The following CGNL1 variants were observed in gnomAD, a reference collection of about 807,000 sequenced individuals.
CGNL1 encodes cingulin like 1, also known as cingulin-like protein 1.
A neutral mutation model predicts 141.2 loss-of-function variants in CGNL1; 132 were observed. The ratio of observed to expected loss-of-function variants is 0.93; its 90% confidence interval spans 0.81 to 1.08. The LOEUF (loss-of-function observed/expected upper bound fraction) is 1.08, where lower values mean the gene tolerates loss of function less well. Among genes scored for constraint, CGNL1 ranks in the 50% least tolerant of loss-of-function variants. The probability of loss-of-function intolerance (pLI) is 0.00; values close to 1 mark genes in which losing one functional copy is unlikely to be tolerated. For missense variants in CGNL1, 1,870 were observed against 1,588.6 expected, an observed-to-expected ratio of 1.18 and a Z score of -3.01; for synonymous variants, 690 against 622.1, an observed-to-expected ratio of 1.11 and a Z score of -1.63.
intron 1 of CGNL1, among the ~76,000 whole-genome samples, chr15:57,394,368 A>C (rs916912476): frequency 6.6e-6 from 1 of 151,858 alleles, no homozygotes; most frequent in Non-Finnish European, 1.5e-5. Flanking sequence ...CAGGTGATCC[A>C]CCTGCCTCAG....
At chr15:57,495,735 G>A (rs1284028685) in intron 8 of CGNL1, among the ~76,000 whole-genome samples, 1 of 152,172 alleles carries the variant, frequency 6.6e-6, no homozygotes, top group East Asian at 1.9e-4. Context: ...GTCTTGGGAG[G>A]TGTTTCACAT....
At chr15:57,470,474 T>TG (rs2063568188) in intron 8 of CGNL1, among the ~76,000 whole-genome samples, 1 of 151,964 alleles carries the variant, frequency 6.6e-6, no homozygotes, top group African/African-American at 2.4e-5. Context: ...GAAAAAACTC[T>TG]GGGGGGCTGG....
intron 8 of CGNL1, among the ~76,000 whole-genome samples, chr15:57,509,441 G>C (rs1325729754): frequency 2.0e-5 from 3 of 152,232 alleles, no homozygotes; most frequent in African/African-American, 7.2e-5. Context: ...CAAGCAGGAG[G>C]CTCTTGGCCT....
At chr15:57,497,077 C>T (rs1333141720) in intron 8 of CGNL1, among the ~76,000 whole-genome samples, 1 of 152,224 alleles carries the variant, frequency 6.6e-6, no homozygotes, top group African/African-American at 2.4e-5. Context: ...CGAGGCCCCA[C>T]ATCCTGCTGT....
chr15:57,544,390 C>G, intron 15 of CGNL1, 83 bp from the exon 16 acceptor site: 1 of 1,533,736 alleles, frequency 6.5e-7, no homozygotes, highest in East Asian at 2.3e-5. Context: ...GACCAAACAC[C>G]AGGTTCTGCC....
rs1368814900 is a variant in CGNL1 at position 57,438,859 on chromosome 15, T to C, written c.860T>C (p.Val287Ala). 2 of 1,614,168 alleles carry C rather than the reference T, an allele frequency of 1.2e-6. No individual in the cohort carries two copies. Among genetic ancestry groups the C allele is most frequent in the Non-Finnish European group, 8.5e-7 (1 of 1,180,032 alleles). ...PFRRQDSAGPVLDGARSRRSS... is the reference protein window; with the variant it reads ...PFRRQDSAGPALDGARSRRSS... ...CGGCGACAGGATTCAGCGGGACCCG[T>C]CCTGGATGGAGCTCGGTCCCGGAGG... Residue 287 changes from valine to alanine, a missense_variant, in exon 2 of 19, where the codon GTC becomes GCC. Coordinates refer to ENST00000281282, the MANE Select transcript of CGNL1 (RefSeq NM_032866.5).
chr15:57,385,360 C>G (rs1324153709), intron 1 of CGNL1, among the ~76,000 whole-genome samples: 2 of 152,130 alleles, frequency 1.3e-5, no homozygotes, highest in African/African-American at 4.8e-5. Flanking sequence ...ATGGTGAAAC[C>G]CTGTCCCTGC....
chr15:57,470,250 G>GTGTTTTTTTTT (rs2063563268), intron 8 of CGNL1, among the ~76,000 whole-genome samples: 1 of 44,762 alleles, frequency 2.2e-5, no homozygotes, highest in African/African-American at 1.2e-4. Context: ...CTTTTTTTTT[G>GTGTTTTTTTTT]TCTCTCTTTT....
At chr15:57,522,508 G>T (rs1226968763) in intron 10 of CGNL1, among the ~76,000 whole-genome samples, 2 of 152,214 alleles carry the variant, frequency 1.3e-5, no homozygotes, top group African/African-American at 4.8e-5. Flanking sequence ...TGTTTCTGTA[G>T]TGGCCCAGTC....
chr15:57,443,414 C>A (rs1340931047), intron 4 of CGNL1, among the ~76,000 whole-genome samples: 1 of 152,234 alleles, frequency 6.6e-6, no homozygotes, highest in East Asian at 1.9e-4. Flanking sequence ...TGTCCATCTT[C>A]CTTTCCCCTC....
intron 14 of CGNL1, among the ~76,000 whole-genome samples, chr15:57,532,814 T>TA (rs2032027237): frequency 6.6e-6 from 1 of 152,236 alleles, no homozygotes. Flanking sequence ...GCCTCAGCCC[T>TA]AAAAGGCACT....
At chr15:57,396,855 C>T (rs1030082715) in intron 1 of CGNL1, 10 of 152,076 alleles carry the variant, frequency 6.6e-5, no homozygotes, top group East Asian at 1.9e-4. Context: ...ACAATTATAG[C>T]GCTCTTGCTA....
intron 1 of CGNL1, among the ~76,000 whole-genome samples, chr15:57,394,691 C>G (rs1304469205): frequency 3.9e-5 from 6 of 152,236 alleles, no homozygotes; most frequent in African/African-American, 1.4e-4. Flanking sequence ...CTAACCATTT[C>G]TGACCCTGCT....
At chr15:57,479,144 T>G (rs1475939546) in intron 8 of CGNL1, among the ~76,000 whole-genome samples, 5 of 152,192 alleles carry the variant, frequency 3.3e-5, no homozygotes, top group Admixed American at 1.3e-4. Flanking sequence ...GTTTATTGCC[T>G]TTTCCAGTAC....
At chr15:57,546,484 C>T (rs1233802857) in intron 18 of CGNL1, among the ~76,000 whole-genome samples, 2 of 152,104 alleles carry the variant, frequency 1.3e-5, no homozygotes, top group African/African-American at 4.8e-5. Context: ...AGATATCATC[C>T]CTGTTGATCA....
Position 57,439,604 on chromosome 15 carries a change from A to G in CGNL1, c.1602+3A>G. 3 of 1,611,884 alleles carry G rather than the reference A, an allele frequency of 1.9e-6. No individual in the cohort carries two copies. The highest frequency in any genetic ancestry group is 2.5e-6 in the Non-Finnish European group (3 of 1,179,166). ...TTCCTTCGGCCTCAAATACTCAGGT[A>G]ACACTAGTGCGATTCCTGTTTGGTT... is the stretch of plus-strand genomic sequence containing the variant. On this transcript the variant is annotated splice_donor_region_variant and intron_variant, in intron 2 of 18. Coordinates refer to ENST00000281282, the MANE Select transcript of CGNL1 (RefSeq NM_032866.5).
intron 8 of CGNL1, among the ~76,000 whole-genome samples, chr15:57,513,256 GTGTGT>G (rs1567162800): frequency 8.1e-5 from 9 of 110,798 alleles, no homozygotes; most frequent in African/African-American, 2.8e-4. Context: ...CAATATGGGT[GTGTGT>G]GTGTGTGTGT....
chr15:57,453,938 C>G (rs2152325116), intron 7 of CGNL1, 120 bp downstream of exon 7: 1 of 1,138,786 alleles, frequency 8.8e-7, no homozygotes, highest in South Asian at 1.6e-5. Flanking sequence ...CACCTGTGCT[C>G]TTATGATCTG....
At chr15:57,454,838 A>G (rs1173727362) in intron 7 of CGNL1, among the ~76,000 whole-genome samples, 6 of 152,164 alleles carry the variant, frequency 3.9e-5, no homozygotes, top group African/African-American at 1.4e-4. Flanking sequence ...AGAGTTACAA[A>G]GACAAGAAGA....
Sources: gnomAD v4.1 joint callset for allele counts (sites outside exome capture counted in the v4.1 genomes callset) on GRCh38, gnomAD v4.1.1 for gene constraint, MANE v1.5 for transcripts, NCBI Gene and HGNC (gene_info 2026-07-23, HGNC 2026-07-21) for gene names.